The following RNF214 variants were observed in gnomAD, a reference collection of about 807,000 sequenced individuals.
RNF214 encodes the protein ring finger protein 214.
RNF214 carries 25 observed loss-of-function variants against 75.9 expected under a neutral mutation model. The ratio of observed to expected loss-of-function variants is 0.33; its 90% CI spans 0.24 to 0.46. The LOEUF is 0.46. Ranked by LOEUF, RNF214 falls within the 20% of genes least tolerant of loss-of-function variation. RNF214 has a pLI of 1.00. For synonymous variants in RNF214, 314 were observed against 308.8 expected, an observed-to-expected ratio of 1.02 and a Z score of -0.18; for missense variants, 725 against 857.5, an observed-to-expected ratio of 0.85 and a Z score of 1.93.
In RNF214 at chr11:117,234,394, C is replaced by A. The variant is rs753167224; in HGVS notation, c.107+15C>A. The A allele has an allele frequency of 4.9e-5, 76 of 1,551,708 alleles. No homozygotes were observed. Among genetic ancestry groups the A allele is most frequent in the African/African-American group, 1.4e-5 (1 of 73,746 alleles). On this transcript the variant is annotated intron_variant, in intron 2 of 14. Coordinates refer to ENST00000300650, the MANE Select transcript of RNF214 (RefSeq NM_207343.4). Reference sequence around the variant, plus strand: ...GATGGTCTAAGGTAATGTGTGGACTCCTGACTGGGAAGATTCATTTGGGTA... The same window carrying A: ...GATGGTCTAAGGTAATGTGTGGACTACTGACTGGGAAGATTCATTTGGGTA...
chr11:117,236,275 GT>G (rs199892766), intron 2 of RNF214, among the ~76,000 whole-genome samples: 8 of 142,100 alleles, frequency 5.6e-5, no homozygotes, highest in Admixed American at 2.1e-4. Context: ...CAATTTTTTT[GT>G]TTTTTTTTTG....
At chr11:117,239,992 C>G in intron 4 of RNF214, 132 bp downstream of exon 4, 1 of 602,086 alleles carries the variant, frequency 1.7e-6, no homozygotes, top group Non-Finnish European at 2.9e-6. Context: ...GTGACTTTTC[C>G]TTGATCACTT....
chr11:117,277,658 A>G (rs1240008852), intron 6 of RNF214, among the ~76,000 whole-genome samples: 1 of 152,194 alleles, frequency 6.6e-6, no homozygotes, highest in Non-Finnish European at 1.5e-5. Flanking sequence ...ACAGAAGGGG[A>G]ATAAAAGTTT....
chr11:117,250,737 T>C (rs1218766692), intron 6 of RNF214, among the ~76,000 whole-genome samples: 1 of 142,130 alleles, frequency 7.0e-6, no homozygotes, highest in Non-Finnish European at 1.5e-5. Context: ...AGGTCTCTGG[T>C]TTTCCTAGGC....
At chr11:117,271,448 A>T (rs1057396996) in intron 6 of RNF214, among the ~76,000 whole-genome samples, 1 of 152,194 alleles carries the variant, frequency 6.6e-6, no homozygotes, top group African/African-American at 2.4e-5. Context: ...TTTCATGTGT[A>T]TTCCTTTCTC....
chr11:117,276,542 G>T, intron 6 of RNF214, among the ~76,000 whole-genome samples: 1 of 152,134 alleles, frequency 6.6e-6, no homozygotes, highest in East Asian at 1.9e-4. Flanking sequence ...AGGTTACAGT[G>T]AGTTATGATC....
rs971582235 is a variant in RNF214 at position 117,280,335 on chromosome 11, A to G, written c.1145+76A>G. On this transcript the variant is annotated intron_variant, in intron 8 of 14. Transcript: ENST00000300650. Reference sequence around the variant, plus strand: ...TGTTTGTTTAGGTTTTTTCATTCCTAGGCCAGCTAGTCTGGCACTTATTCT... The same window carrying G: ...TGTTTGTTTAGGTTTTTTCATTCCTGGGCCAGCTAGTCTGGCACTTATTCT... The G allele has an allele frequency of 1.3e-5, 13 of 977,622 alleles. No individual in the cohort carries two copies. The African/African-American group carries it at 1.6e-4, about 12-fold the overall frequency. The allele number at this position is 977,622 out of a possible 1,614,324, so 60.6% of individuals were successfully genotyped here. A position where few individuals can be genotyped will look rare whatever the true frequency, so the allele number is the denominator to read the frequency against.
At chr11:117,271,483 A>G (rs1423933274) in intron 6 of RNF214, among the ~76,000 whole-genome samples, 3 of 152,150 alleles carry the variant, frequency 2.0e-5, no homozygotes, top group Admixed American at 6.5e-5. Flanking sequence ...TGTGCTGCCT[A>G]TTGTCCAGTG....
In RNF214 at chr11:117,239,844, A is replaced by C. The variant is rs756922933; in HGVS notation, c.662A>C (p.Asp221Ala). 6.4e-7 allele frequency: 1 copy of C among 1,556,260 alleles called. No individual in the cohort carries two copies. Among genetic ancestry groups the C allele is most frequent in the South Asian group, 1.1e-5 (1 of 89,830 alleles). Residue 221 changes from aspartate (D) to alanine (A), a missense_variant, in exon 4 of 15, where the codon GAT (aspartate) becomes GCT (alanine). Physicochemically the swap from Asp to Ala is moderately radical, Grantham distance 126. Transcript: ENST00000300650. ...TADSEVNTDQDIEKNLDKMMT... is the reference protein window; with the variant it reads ...TADSEVNTDQAIEKNLDKMMT... ...GATTCAGAGGTAAACACAGATCAAG[A>C]TATTGAAAAGAATTTGGTAAGTATT...
intron 6 of RNF214, among the ~76,000 whole-genome samples, chr11:117,252,240 G>A (rs558584742): frequency 6.6e-6 from 1 of 152,194 alleles, no homozygotes; most frequent in Non-Finnish European, 1.5e-5. Flanking sequence ...TGACCAGTTA[G>A]GAGACTTATC....
chr11:117,240,036 A>G (rs558628336), intron 4 of RNF214, among the ~76,000 whole-genome samples, 176 bp downstream of exon 4: 1 of 150,692 alleles, frequency 6.6e-6, no homozygotes, highest in Non-Finnish European at 1.5e-5. Context: ...TCACAAAGCA[A>G]CCAGTTACGT....
chr11:117,280,559 C>T (rs1429492777), intron 8 of RNF214, among the ~76,000 whole-genome samples: 1 of 152,190 alleles, frequency 6.6e-6, no homozygotes, highest in Non-Finnish European at 1.5e-5. Flanking sequence ...GTAATCCCAG[C>T]ACTTTGGGAG....
In RNF214 at chr11:117,238,926, G is replaced by T. The variant is rs750342672; in HGVS notation, c.433G>T (p.Ala145Ser). ...LKAGCHTKQLASRNCSEEKSP... is the reference protein window; with the variant it reads ...LKAGCHTKQLSSRNCSEEKSP... ...GGCAGGGTGCCATACTAAGCAGCTT[G>T]CCTCCAGGAATTGCTCTGAAGAGAA... The change falls in exon 3 of 15, where the codon GCC becomes TCC. Residue 145 changes from alanine to serine, a missense_variant. Ala to Ser is a moderately conservative substitution (Grantham distance 99, BLOSUM62 1). Transcript: ENST00000300650. 9 of 1,614,092 alleles carry T rather than the reference G, an allele frequency of 5.6e-6. No individual in the cohort carries two copies. In the Admixed American group the frequency reaches 1.5e-4, roughly 27 times the overall value.
Position 117,239,192 on chromosome 11 carries a change from TG to T in RNF214, c.618+83del, listed in dbSNP as rs970126858. On this transcript the variant is annotated intron_variant, in intron 3 of 14. Transcript: ENST00000300650. ...GTGGGAGATATTTCTTCATATTTGG[TG>T]GAGAACTTGCTGGCTTGTTTTGTTT... is the stretch of plus-strand genomic sequence containing the variant. The T allele has an allele frequency of 7.8e-6, 11 of 1,414,466 alleles. No homozygotes were observed. The African/African-American group carries it at 1.6e-4, about 20-fold the overall frequency. The allele number at this position is 1,414,466 out of a possible 1,614,324, so 87.6% of individuals were successfully genotyped here.
chr11:117,242,534 T>C (rs1019248910), intron 4 of RNF214, among the ~76,000 whole-genome samples: 1 of 152,084 alleles, frequency 6.6e-6, no homozygotes, highest in Non-Finnish European at 1.5e-5. Flanking sequence ...ATCTTTTGGG[T>C]GGTAGTGAGG....
intron 6 of RNF214, among the ~76,000 whole-genome samples, chr11:117,273,491 C>A (rs1419583186): frequency 1.3e-5 from 2 of 151,722 alleles, no homozygotes; most frequent in Non-Finnish European, 2.9e-5. Flanking sequence ...GGAAGAGAAA[C>A]CTTTTCTCTA....
intron 6 of RNF214, among the ~76,000 whole-genome samples, chr11:117,258,759 C>A (rs561211921): frequency 6.6e-6 from 1 of 152,112 alleles, no homozygotes; most frequent in Non-Finnish European, 1.5e-5. Flanking sequence ...TGTGCCTTCT[C>A]AGTCAGTCCC....
intron 6 of RNF214, among the ~76,000 whole-genome samples, chr11:117,261,662 G>C (rs2033664488): frequency 6.6e-6 from 1 of 152,018 alleles, no homozygotes; most frequent in Admixed American, 6.6e-5. Context: ...TTTTGTGTGA[G>C]TGTGACAGAG....
chr11:117,280,872 G>T (rs565982615), intron 8 of RNF214, among the ~76,000 whole-genome samples: 1 of 151,976 alleles, frequency 6.6e-6, no homozygotes, highest in South Asian at 2.1e-4. Flanking sequence ...TTAAAGTGAG[G>T]CAAAGGAATT....
Sources: allele counts gnomAD v4.1 joint callset (sites outside exome capture counted in the v4.1 genomes callset), GRCh38; gene constraint gnomAD v4.1.1; transcripts MANE v1.5; gene names NCBI Gene and HGNC (gene_info 2026-07-23, HGNC 2026-07-21).